Variants in PTPN22 observed in about 807,000 individuals in gnomAD.
PTPN22 encodes the protein protein tyrosine phosphatase non-receptor type 22, also known as tyrosine-protein phosphatase non-receptor type 22.
PTPN22 carries 85 observed loss-of-function variants against 103.3 expected under a neutral mutation model. That is an observed-to-expected ratio of 0.82 (90% confidence interval 0.69 to 0.99). The LOEUF (loss-of-function observed/expected upper bound fraction) is 0.99. PTPN22 is among the 50% of genes least tolerant of loss of function. PTPN22 has a pLI of 0.00. For synonymous variants in PTPN22, 323 were observed against 310.2 expected (o/e 1.04, Z -0.43); for missense variants, 865 against 936.9 (o/e 0.92, Z 1.00).
At chr1:113,841,055 T>C (rs1663499975) in intron 11 of PTPN22, among the ~76,000 whole-genome samples, 1 of 151,894 alleles carries the variant, frequency 6.6e-6, no homozygotes, top group Admixed American at 6.6e-5. Flanking sequence ...AGAAACCCCG[T>C]CTCTACTAAA....
At chr1:113,822,935 G>A (rs1457772124) in intron 19 of PTPN22, among the ~76,000 whole-genome samples, 1 of 152,138 alleles carries the variant, frequency 6.6e-6, no homozygotes. Context: ...CTCCAGCCTG[G>A]GCGACAGAGC....
intron 1 of PTPN22, chr1:113,864,092 A>G (rs1191095255): frequency 2.9e-6 from 1 of 349,190 alleles, no homozygotes; most frequent in East Asian, 1.1e-4. Flanking sequence ...GTCTGGGCAA[A>G]AAGAGCAAAA....
exon 18 of PTPN22, chr1:113,829,609 T>A: frequency 6.3e-7 from 1 of 1,595,272 alleles, no homozygotes; most frequent in Non-Finnish European, 8.6e-7. Flanking sequence ...CTTGTGAAAC[T>A]TTTTCCAGGA....
chr1:113,819,569 A>T lies in PTPN22; in HGVS notation c.2359+8T>A. 1 of 1,586,224 alleles carries T rather than the reference A, an allele frequency of 6.3e-7. No individual in the cohort carries two copies. The highest frequency in any genetic ancestry group is 8.6e-7 in the Non-Finnish European group (1 of 1,157,810). ...TTTTTTAACTCTTCAGTAAAATAAC[A>T]CACATACCAAAATTCAGAAATGAGC... On this transcript the variant is annotated splice_region_variant and intron_variant, in intron 20 of 20. Coordinates refer to ENST00000359785, the Ensembl canonical transcript of PTPN22.
At chr1:113,821,525 T>C (rs1164973613) in intron 19 of PTPN22, among the ~76,000 whole-genome samples, 2 of 152,196 alleles carry the variant, frequency 1.3e-5, no homozygotes, top group African/African-American at 4.8e-5. Flanking sequence ...GGTTTCACCA[T>C]GTTGGCCAGG....
chr1:113,837,510 G>A, intron 13 of PTPN22, 80 bp downstream of exon 13: 2 of 981,170 alleles, frequency 2.0e-6, no homozygotes, highest in Non-Finnish European at 3.0e-6. Flanking sequence ...AGGAGAAGAG[G>A]GAAGAGGAGA....
intron 11 of PTPN22, among the ~76,000 whole-genome samples, chr1:113,839,318 A>G (rs1022056664): frequency 6.6e-6 from 1 of 150,850 alleles, no homozygotes; most frequent in Non-Finnish European, 1.5e-5. Context: ...GGGCTCAAGC[A>G]GTCCTCCTAC....
At chr1:113,838,977 G>A (rs956080016) in intron 11 of PTPN22, among the ~76,000 whole-genome samples, 4 of 152,062 alleles carry the variant, frequency 2.6e-5, no homozygotes. Context: ...TTAGGTCTCT[G>A]GACCTATTTC....
chr1:113,819,952 T>G (rs1661454768), intron 19 of PTPN22: 3 of 190,472 alleles, frequency 1.6e-5, no homozygotes, highest in African/African-American at 7.0e-5. Context: ...AGCATTTTTT[T>G]GTTTTTTTTT....
At chr1:113,858,627 C>A in intron 3 of PTPN22, 54 bp from the exon 4 acceptor site, 1 of 1,106,468 alleles carries the variant, frequency 9.0e-7, no homozygotes, top group South Asian at 1.5e-5. Context: ...CCTGTTCTCA[C>A]CTAGTCCTCC....
At chr1:113,871,691 G>A (rs1011777505) in exon 1 of PTPN22, 63 of 1,422,318 alleles carry the variant, frequency 4.4e-5, no homozygotes, top group Non-Finnish European at 5.7e-5. Flanking sequence ...TGTCATGGCC[G>A]AGACACCTCC....
chr1:113,815,002 A>C, intron 20 of PTPN22, 33 bp from the exon 21 acceptor site: 1 of 1,480,258 alleles, frequency 6.8e-7, no homozygotes, highest in Non-Finnish European at 9.4e-7. Context: ...ATGAAAAGAA[A>C]GATGTTTTAA....
chr1:113,854,985 A>G (rs1664917225), exon 8 of PTPN22: 1 of 1,607,690 alleles, frequency 6.2e-7, no homozygotes, highest in Non-Finnish European at 8.5e-7. Context: ...AATAGGGTCT[A>G]TAGATGAAGG....
intron 15 of PTPN22, among the ~76,000 whole-genome samples, chr1:113,833,808 G>A (rs1662752736): frequency 6.6e-6 from 1 of 151,922 alleles, no homozygotes; most frequent in Admixed American, 6.6e-5. Flanking sequence ...ATTCCAAAAG[G>A]TTTATCTTAA....
intron 10 of PTPN22, among the ~76,000 whole-genome samples, chr1:113,851,230 G>A (rs1664543615): frequency 6.6e-6 from 1 of 150,656 alleles, no homozygotes; most frequent in Non-Finnish European, 1.5e-5. Flanking sequence ...TCGGCCCTCT[G>A]CAACCTCCAC....
intron 17 of PTPN22, 31 bp from the exon 18 acceptor site, chr1:113,829,738 C>T (rs914821544): frequency 2.2e-6 from 3 of 1,388,112 alleles, no homozygotes; most frequent in Non-Finnish European, 3.0e-6. Flanking sequence ...AAAACATGTT[C>T]CATTGCATAC....
chr1:113,843,134 A>G (rs1663747454), intron 11 of PTPN22, among the ~76,000 whole-genome samples: 1 of 150,440 alleles, frequency 6.6e-6, no homozygotes, highest in South Asian at 2.1e-4. Context: ...ACATAGAATT[A>G]CCACATGTAA....
intron 19 of PTPN22, among the ~76,000 whole-genome samples, chr1:113,820,284 T>G (rs2101876207): frequency 6.6e-6 from 1 of 151,980 alleles, no homozygotes; most frequent in South Asian, 2.1e-4. Context: ...TGAAACCCCG[T>G]CTCTACTAAA....
At chr1:113,838,642 G>T in intron 11 of PTPN22, 22 bp from the exon 12 acceptor site, 1 of 1,602,502 alleles carries the variant, frequency 6.2e-7, no homozygotes, top group South Asian at 1.1e-5. Context: ...ATAAGTCAGA[G>T]GCTGGTTTTC....
Sources: gnomAD v4.1 joint callset for allele counts (sites outside exome capture counted in the v4.1 genomes callset) on GRCh38, gnomAD v4.1.1 for gene constraint, MANE v1.5 for transcripts, NCBI Gene and HGNC (gene_info 2026-07-23, HGNC 2026-07-21) for gene names.